Variants in TLE4 observed in about 807,000 individuals in gnomAD.
The protein encoded by TLE4 is transducin-like enhancer protein 4.
A neutral mutation model predicts 92.8 loss-of-function variants in TLE4; 8 were observed. The observed-to-expected ratio is 0.09, with a 90% confidence interval of 0.05 to 0.16. The LOEUF (loss-of-function observed/expected upper bound fraction) is 0.16, where lower values mean the gene tolerates loss of function less well. Ranked by LOEUF, TLE4 falls within the 10% of genes least tolerant of loss-of-function variation. The pLI is 1.00. For synonymous variants in TLE4, 371 were observed against 374.1 expected (o/e 0.99, Z 0.10); for missense variants, 675 against 997.6 (o/e 0.68, Z 4.36).
intron 1 of TLE4, 64 bp from the exon 2 acceptor site, chr9:79,573,625 T>G: frequency 7.3e-7 from 1 of 1,378,860 alleles, no homozygotes; most frequent in Non-Finnish European, 1.0e-6. Flanking sequence ...CATAGTAGGT[T>G]TTCTCCGTCT....
chr9:79,621,302 CA>C (rs1327153528), intron 5 of TLE4, among the ~76,000 whole-genome samples: 1 of 152,038 alleles, frequency 6.6e-6, no homozygotes, highest in African/African-American at 2.4e-5. Flanking sequence ...GGAGACTAGC[CA>C]GAAGGATGGA....
intron 4 of TLE4, among the ~76,000 whole-genome samples, chr9:79,586,111 G>T (rs1314324713): frequency 1.4e-5 from 2 of 140,954 alleles, no homozygotes; most frequent in African/African-American, 5.2e-5. Flanking sequence ...CGTGGCTTAC[G>T]CCTGTAATCC....
intron 11 of TLE4, among the ~76,000 whole-genome samples, chr9:79,707,679 C>G (rs1250232106): frequency 6.6e-6 from 1 of 152,136 alleles, no homozygotes; most frequent in African/African-American, 2.4e-5. Context: ...TTTAATGGCA[C>G]CTGCTCTCTG....
rs1588481931 is a variant in TLE4, at chr9:79,706,970, C to T, written c.936+71C>T. 4 of 1,575,892 alleles carry T rather than the reference C, an allele frequency of 2.5e-6. No homozygotes were observed. In the East Asian group the frequency reaches 9.0e-5, roughly 35 times the overall value. On this transcript the variant is annotated intron_variant, in intron 11 of 19. Coordinates refer to ENST00000376552, the MANE Select transcript of TLE4 (RefSeq NM_007005.6). ...TGATGTTTGAATTTGATGTTTTTATCTTTATATTTCTCACATTTTTAACAG... is the reference window on the plus strand; with the variant it reads ...TGATGTTTGAATTTGATGTTTTTATTTTTATATTTCTCACATTTTTAACAG...
chr9:79,710,700 C>T (rs1309011112), intron 14 of TLE4, among the ~76,000 whole-genome samples: 4 of 152,144 alleles, frequency 2.6e-5, no homozygotes, highest in Non-Finnish European at 4.4e-5. Context: ...GTCATTATGT[C>T]AGAGCGTTCT....
intron 8 of TLE4, among the ~76,000 whole-genome samples, chr9:79,699,903 AC>A (rs1322906751): frequency 6.6e-6 from 1 of 152,048 alleles, no homozygotes; most frequent in Non-Finnish European, 1.5e-5. Context: ...GCATATTAAA[AC>A]CCTATAATTA....
chr9:79,649,132 G>A (rs1370929830), intron 6 of TLE4, among the ~76,000 whole-genome samples: 1 of 152,116 alleles, frequency 6.6e-6, no homozygotes, highest in Non-Finnish European at 1.5e-5. Context: ...TAAGAATGGT[G>A]GGCCTGCAGT....
chr9:79,623,174 G>A (rs1367158953), intron 5 of TLE4, among the ~76,000 whole-genome samples: 1 of 151,708 alleles, frequency 6.6e-6, no homozygotes, highest in Non-Finnish European at 1.5e-5. Flanking sequence ...TATTCCTTAG[G>A]GGAGTTCTTT....
At chr9:79,671,080 G>A (rs556374356) in intron 8 of TLE4, 3 of 262,990 alleles carry the variant, frequency 1.1e-5, no homozygotes, top group African/African-American at 6.5e-5. Flanking sequence ...CTACAAAATG[G>A]ATCTTGTACA....
At position 79,622,168 on chromosome 9, in the gene TLE4, T is replaced by C. The variant is rs1564443896; in HGVS notation, c.316-5206T>C. 2.6e-5 allele frequency among the ~76,000 whole-genome samples: 4 copies of C among 152,326 alleles called. No individual in the cohort carries two copies. The South Asian group carries it at 8.3e-4, about 32-fold the overall frequency. On this transcript the variant is annotated intron_variant, in intron 5 of 19. Coordinates refer to ENST00000376552, the MANE Select transcript of TLE4 (RefSeq NM_007005.6). ...GAATTCATTTCCCACTAATACTTGGTTCTTTAAAGCATTTCCATGCTACAC... is the reference window on the plus strand; with the variant it reads ...GAATTCATTTCCCACTAATACTTGGCTCTTTAAAGCATTTCCATGCTACAC...
At chr9:79,634,345 A>G (rs2055137925) in intron 6 of TLE4, among the ~76,000 whole-genome samples, 1 of 152,228 alleles carries the variant, frequency 6.6e-6, no homozygotes, top group Non-Finnish European at 1.5e-5. Flanking sequence ...TTCCATGGAT[A>G]ACAGAGTAAA....
intron 8 of TLE4, among the ~76,000 whole-genome samples, chr9:79,682,296 T>G (rs2064874360): frequency 6.6e-6 from 1 of 152,128 alleles, no homozygotes; most frequent in Non-Finnish European, 1.5e-5. Flanking sequence ...AGTGTATTAA[T>G]GTTTGATTAT....
At chr9:79,599,923 G>C (rs985810147) in intron 4 of TLE4, among the ~76,000 whole-genome samples, 6 of 152,014 alleles carry the variant, frequency 3.9e-5, no homozygotes, top group Non-Finnish European at 8.8e-5. Flanking sequence ...TTATATACTT[G>C]TATGTTTGCT....
chr9:79,676,061 C>G (rs548791000), intron 8 of TLE4, among the ~76,000 whole-genome samples: 1 of 152,206 alleles, frequency 6.6e-6, no homozygotes, highest in East Asian at 1.9e-4. Flanking sequence ...AGGCATCACA[C>G]AAGATGCTTG....
At chr9:79,576,019 C>A in intron 3 of TLE4, 114 bp from the exon 4 acceptor site, 1 of 587,994 alleles carries the variant, frequency 1.7e-6, no homozygotes, top group Non-Finnish European at 2.7e-6. Flanking sequence ...TATGAAGATA[C>A]TGGTTTAGGT....
At chr9:79,702,427 GT>G (rs1197004851) in intron 8 of TLE4, among the ~76,000 whole-genome samples, 1 of 152,156 alleles carries the variant, frequency 6.6e-6, no homozygotes, top group East Asian at 1.9e-4. Flanking sequence ...TGCATGCATG[GT>G]TTCAGTGGTC....
chr9:79,573,658 G>C (rs1429193806), intron 1 of TLE4, 31 bp from the exon 2 acceptor site: 1 of 1,552,406 alleles, frequency 6.4e-7, no homozygotes, highest in South Asian at 1.2e-5. Context: ...TGTGATGTGG[G>C]CTAATTAAAT....
chr9:79,573,478 C>T (rs1354264451), intron 1 of TLE4: 3 of 942,158 alleles, frequency 3.2e-6, no homozygotes, highest in African/African-American at 3.4e-5. Context: ...GGCCTGCGGG[C>T]GGGAGTATGC....
rs1454969051 is a variant in TLE4, at chr9:79,726,776, ATTAGT to A, written c.*1636_*1640del. 4 of 152,644 alleles carry A rather than the reference ATTAGT, an allele frequency of 2.6e-5. No individual in the cohort carries two copies. Among genetic ancestry groups the A allele is most frequent in the Admixed American group, 6.5e-5 (1 of 15,274 alleles). 9.5% of individuals were successfully genotyped at this position (152,644 alleles called of 1,614,324 possible). A position where few individuals can be genotyped will look rare whatever the true frequency, so the allele number is the denominator to read the frequency against. On this transcript the variant is annotated 3_prime_UTR_variant, in exon 20 of 20. Coordinates refer to ENST00000376552, the MANE Select transcript of TLE4 (RefSeq NM_007005.6). ...TTTTCTAATTCTTTGTCTTGATGAC[ATTAGT>A]TTATTTTTTATCTTTGGCTGTGCCA... is the stretch of plus-strand genomic sequence containing the variant.
Sources: allele counts gnomAD v4.1 joint callset (sites outside exome capture counted in the v4.1 genomes callset), GRCh38; gene constraint gnomAD v4.1.1; transcripts MANE v1.5; gene names NCBI Gene and HGNC (gene_info 2026-07-23, HGNC 2026-07-21).